Variants in ERO1B observed in about 807,000 individuals in gnomAD.
ERO1B encodes the protein endoplasmic reticulum oxidoreductase 1 beta, also known as ERO1-like protein beta.
ERO1B carries 49 observed loss-of-function variants against 75.3 expected under a neutral mutation model. The ratio of observed to expected loss-of-function variants is 0.65; its 90% CI spans 0.52 to 0.83. The LOEUF (loss-of-function observed/expected upper bound fraction) is 0.83, where lower values mean the gene tolerates loss of function less well. Among genes scored for constraint, ERO1B ranks in the 40% least tolerant of loss-of-function variants. The probability of loss-of-function intolerance (pLI) is 0.00; values close to 1 mark genes in which losing one functional copy is unlikely to be tolerated. For missense variants in ERO1B, 512 were observed against 560.1 expected, an observed-to-expected ratio of 0.91 and a Z score of 0.87; for synonymous variants, 191 against 192.9, an observed-to-expected ratio of 0.99 and a Z score of 0.08.
At chr1:236,244,852 C>G (rs1664801834) in intron 5 of ERO1B, among the ~76,000 whole-genome samples, 1 of 152,056 alleles carries the variant, frequency 6.6e-6, no homozygotes, top group South Asian at 2.1e-4. Context: ...GGATGCAACA[C>G]TATTTGCATG....
intron 2 of ERO1B, among the ~76,000 whole-genome samples, chr1:236,265,552 A>T (rs1420172959): frequency 6.6e-6 from 1 of 152,176 alleles, no homozygotes; most frequent in Non-Finnish European, 1.5e-5. Flanking sequence ...TTCTATTGCA[A>T]ATCTGTATTG....
At chr1:236,260,768 A>G (rs1167949027) in intron 2 of ERO1B, among the ~76,000 whole-genome samples, 1 of 152,174 alleles carries the variant, frequency 6.6e-6, no homozygotes, top group Non-Finnish European at 1.5e-5. Flanking sequence ...TTTCAAAAAA[A>G]TTGAAGAGAA....
intron 5 of ERO1B, among the ~76,000 whole-genome samples, chr1:236,248,618 T>C (rs1393640480): frequency 1.3e-5 from 2 of 152,166 alleles, no homozygotes; most frequent in African/African-American, 4.8e-5. Flanking sequence ...AAGCAAAATG[T>C]ACAATGAAAA....
At chr1:236,256,817 G>T (rs1405630) in intron 2 of ERO1B, among the ~76,000 whole-genome samples, 64,159 of 151,960 alleles carry the variant, frequency 0.42, 16,066 homozygotes, top group Middle Eastern at 0.59. Context: ...AGCTCTGGGA[G>T]TTGATGAAGC....
At chr1:236,235,551 T>C (rs1249276990) in intron 8 of ERO1B, among the ~76,000 whole-genome samples, 2 of 152,212 alleles carry the variant, frequency 1.3e-5, no homozygotes, top group Non-Finnish European at 1.5e-5. Flanking sequence ...TTAATTATTT[T>C]ACATAAACTT....
chr1:236,223,414 C>T (rs571263948), intron 13 of ERO1B, among the ~76,000 whole-genome samples: 85 of 151,934 alleles, frequency 5.6e-4, no homozygotes, highest in Non-Finnish European at 1.0e-3. Flanking sequence ...TTGCATGAAG[C>T]GGGAGGCAAG....
At chr1:236,233,041 G>A (rs1428911437) in intron 8 of ERO1B, among the ~76,000 whole-genome samples, 1 of 152,132 alleles carries the variant, frequency 6.6e-6, no homozygotes, top group Non-Finnish European at 1.5e-5. Flanking sequence ...CAGGCGTGGT[G>A]GCTCACGGCG....
intron 2 of ERO1B, among the ~76,000 whole-genome samples, chr1:236,255,102 CTTTTT>C (rs879908403): frequency 1.2e-5 from 1 of 84,636 alleles, no homozygotes; most frequent in African/African-American, 3.7e-5. Context: ...TTTTTTCTTT[CTTTTT>C]TTTTTTTAAG....
chr1:236,255,102 CTTT>C (rs879908403), intron 2 of ERO1B, among the ~76,000 whole-genome samples: 1 of 84,634 alleles, frequency 1.2e-5, no homozygotes, highest in Non-Finnish European at 2.7e-5. Context: ...TTTTTTCTTT[CTTT>C]TTTTTTTTTA....
chr1:236,235,699 A>G, intron 8 of ERO1B, 90 bp downstream of exon 8: 2 of 1,157,514 alleles, frequency 1.7e-6, no homozygotes, highest in Non-Finnish European at 2.5e-6. Flanking sequence ...AACAAAATAT[A>G]AAAATGAAAG....
In ERO1B at chr1:236,217,590, T is replaced by C. The variant is rs1664023381; in HGVS notation, c.*926A>G. 1 of 152,632 alleles carries C rather than the reference T, an allele frequency of 6.6e-6. No individual in the cohort carries two copies. The highest frequency in any genetic ancestry group is 1.9e-4 in the East Asian group (1 of 5,204). The allele number at this position is 152,632 out of a possible 1,614,324, so 9.5% of individuals were successfully genotyped here. On this transcript the variant is annotated 3_prime_UTR_variant, in exon 16 of 16. Coordinates refer to ENST00000354619, the MANE Select transcript of ERO1B (RefSeq NM_019891.4). ...AAGTGAAAATAGCAAATTTTGTGTA[T>C]ATAATATTTTCAATTGGCATTATAA...
At chr1:236,265,707 C>T (rs566367843) in intron 2 of ERO1B, among the ~76,000 whole-genome samples, 5 of 152,162 alleles carry the variant, frequency 3.3e-5, no homozygotes, top group Admixed American at 6.5e-5. Context: ...ATGGTCAATA[C>T]GGTCCTACTG....
At chr1:236,259,439 T>C (rs1665239881) in intron 2 of ERO1B, among the ~76,000 whole-genome samples, 1 of 152,140 alleles carries the variant, frequency 6.6e-6, no homozygotes, top group African/African-American at 2.4e-5. Context: ...CAAAAGTGGA[T>C]TGGATTAAAA....
At chr1:236,274,617 T>C (rs922536403) in intron 1 of ERO1B, among the ~76,000 whole-genome samples, 1 of 152,228 alleles carries the variant, frequency 6.6e-6, no homozygotes, top group African/African-American at 2.4e-5. Flanking sequence ...CCATTGTCTC[T>C]TTAGATTTCA....
rs192214318 is a variant in ERO1B, at chr1:236,244,643, A to G, written c.432-1148T>C. 5.2e-3 allele frequency among the ~76,000 whole-genome samples: 788 copies of G among 152,314 alleles called. 11 individuals are homozygous for G. The highest frequency in any genetic ancestry group is 0.018 in the African/African-American group (760 of 41,576). ...TGACTTTCAGGAAATTTCTTCTTTG[A>G]GCATCCTCATTTGAAGAGGCTTTGC... On this transcript the variant is annotated intron_variant, in intron 5 of 15. Coordinates refer to ENST00000354619, the MANE Select transcript of ERO1B (RefSeq NM_019891.4).
At position 236,215,979 on chromosome 1, in the gene ERO1B, T is replaced by C. The variant is rs1225803144; in HGVS notation, c.*2537A>G. On this transcript the variant is annotated 3_prime_UTR_variant, in exon 16 of 16. Transcript: ENST00000354619. ...GTTAAAAATGTCAAAATAAAACGTT[T>C]TGACTTATCAAATTTCAAAAGTGTG... 1 of 152,180 alleles carries C rather than the reference T, an allele frequency of 6.6e-6. No individual in the cohort carries two copies. Among genetic ancestry groups the C allele is most frequent in the East Asian group, 1.9e-4 (1 of 5,202 alleles). 9.4% of individuals were successfully genotyped at this position (152,180 alleles called of 1,614,324 possible).
intron 5 of ERO1B, among the ~76,000 whole-genome samples, chr1:236,248,069 C>G (rs1241461157): frequency 6.6e-6 from 1 of 151,954 alleles, no homozygotes; most frequent in African/African-American, 2.4e-5. Flanking sequence ...GTGTTATTTC[C>G]TCTGACAAGG....
chr1:236,238,678 CT>C (rs1467667469), intron 6 of ERO1B, among the ~76,000 whole-genome samples: 4 of 151,560 alleles, frequency 2.6e-5, no homozygotes, highest in African/African-American at 9.7e-5. Context: ...TATATATAAG[CT>C]TCACAATATA....
intron 2 of ERO1B, among the ~76,000 whole-genome samples, chr1:236,268,799 T>G (rs1429752344): frequency 1.3e-5 from 2 of 151,922 alleles, no homozygotes; most frequent in African/African-American, 4.8e-5. Flanking sequence ...GGCAGGAGAA[T>G]GGTGTGAACC....
Sources: gnomAD v4.1 joint callset for allele counts (sites outside exome capture counted in the v4.1 genomes callset) on GRCh38, gnomAD v4.1.1 for gene constraint, MANE v1.5 for transcripts, NCBI Gene and HGNC (gene_info 2026-07-23, HGNC 2026-07-21) for gene names.